The following BCL2L13 variants were observed in gnomAD, a reference collection of about 807,000 sequenced individuals.
BCL2L13 encodes the protein BCL2 like 13.
BCL2L13 carries 13 observed loss-of-function variants against 25.8 expected under a neutral mutation model. The ratio of observed to expected loss-of-function variants is 0.50; its 90% CI spans 0.33 to 0.80. BCL2L13 has a LOEUF of 0.80. Among genes scored for constraint, BCL2L13 ranks in the 30% least tolerant of loss-of-function variants. The pLI is 0.02. For synonymous variants in BCL2L13, 244 were observed against 230.3 expected (o/e 1.06, Z -0.54); for missense variants, 504 against 574.9 (o/e 0.88, Z 1.26).
intron 1 of BCL2L13, among the ~76,000 whole-genome samples, chr22:17,649,122 C>T (rs535436489): frequency 5.0e-4 from 76 of 150,860 alleles, no homozygotes; most frequent in African/African-American, 1.5e-3. Context: ...TTTTGGGAGA[C>T]GGAGTCTAGC....
chr22:17,646,932 C>CATATATATATAT (rs1170982043), intron 1 of BCL2L13, among the ~76,000 whole-genome samples: 1 of 32,460 alleles, frequency 3.1e-5, no homozygotes, highest in African/African-American at 1.2e-4. Flanking sequence ...GTATAAACTA[C>CATATATATATAT]ATATATATAT....
At chr22:17,638,034 G>C (rs573030955), upstream of BCL2L13, 1 of 152,090 alleles carries the variant, frequency 6.6e-6, no homozygotes, top group Admixed American at 6.6e-5. Context: ...TGCCCTCCTT[G>C]TTCCAATTCA....
At chr22:17,707,430 C>T (rs2060623253) in intron 6 of BCL2L13, among the ~76,000 whole-genome samples, 2 of 152,070 alleles carry the variant, frequency 1.3e-5, no homozygotes, top group Admixed American at 6.5e-5. Context: ...GCTGGTTGAT[C>T]CCGGCTAGTT....
chr22:17,677,877 AC>A (rs1052370653), intron 2 of BCL2L13, among the ~76,000 whole-genome samples: 7 of 151,580 alleles, frequency 4.6e-5, no homozygotes, highest in African/African-American at 1.7e-4. Flanking sequence ...CAAAAAAAAA[AC>A]AAAAAAACCC....
intron 5 of BCL2L13, among the ~76,000 whole-genome samples, chr22:17,697,213 C>T (rs575348250): frequency 6.3e-4 from 95 of 151,722 alleles, no homozygotes; most frequent in Admixed American, 3.2e-3. Flanking sequence ...CCGAGGTGGG[C>T]GGATCACCTG....
At chr22:17,629,765 A>C (rs1352317854) in intron 1 of BCL2L13, among the ~76,000 whole-genome samples, 1 of 152,042 alleles carries the variant, frequency 6.6e-6, no homozygotes, top group Admixed American at 6.6e-5. Context: ...CCCTTCACCT[A>C]GATTCAACAA....
chr22:17,691,474 G>A (rs372371880), intron 4 of BCL2L13, among the ~76,000 whole-genome samples: 16 of 152,152 alleles, frequency 1.1e-4, no homozygotes, highest in Middle Eastern at 3.4e-3. Flanking sequence ...GTGAAACCCC[G>A]TCTCTACTAA....
chr22:17,631,670 G>GTGTATTTATATATA lies in BCL2L13; in HGVS notation c.-650+2666_-650+2667insGTATTTATATATAT, dbSNP rs1203626385. Among the ~76,000 whole-genome samples, 7 of 26,892 alleles carry GTGTATTTATATATA rather than the reference G, an allele frequency of 2.6e-4. 1 individual carries two copies. The highest frequency in any genetic ancestry group is 1.6e-3 in the Admixed American group (3 of 1,934). The allele number at this position is 26,892 out of a possible 152,430, so 17.6% of individuals were successfully genotyped here. A position where few individuals can be genotyped will look rare whatever the true frequency, so the allele number is the denominator to read the frequency against. On this transcript the variant is annotated intron_variant, in intron 1 of 6. Coordinates refer to the BCL2L13 transcript ENST00000399782. ...CGTGTGTGTATGTATGTGTGTGTGT[G>GTGTATTTATATATA]TATATATATATATATATATATATAT...
intron 6 of BCL2L13, among the ~76,000 whole-genome samples, chr22:17,711,304 C>CTTTTTTTT (rs765639315): frequency 8.0e-6 from 1 of 125,388 alleles, no homozygotes; most frequent in Non-Finnish European, 1.7e-5. Context: ...CATGATGGGC[C>CTTTTTTTT]TTTTTTTTTT....
intron 5 of BCL2L13, among the ~76,000 whole-genome samples, chr22:17,698,290 CT>C (rs1404336743): frequency 2.6e-5 from 4 of 151,312 alleles, no homozygotes; most frequent in African/African-American, 9.7e-5. Flanking sequence ...AATTTTTGTA[CT>C]TTTAGTAGAG....
At chr22:17,659,875 G>A (rs1040527815) in intron 2 of BCL2L13, among the ~76,000 whole-genome samples, 1 of 145,272 alleles carries the variant, frequency 6.9e-6, no homozygotes, top group African/African-American at 2.4e-5. Flanking sequence ...TTATTTTTGA[G>A]ACAAGAATCT....
At chr22:17,632,842 C>T (rs2058052497) in intron 1 of BCL2L13, among the ~76,000 whole-genome samples, 1 of 151,080 alleles carries the variant, frequency 6.6e-6, no homozygotes, top group Non-Finnish European at 1.5e-5. Context: ...CAACCTCTGC[C>T]TCCCGGGTTC....
At chr22:17,715,143 TATATATATATATATATA>T (rs2060887085) in intron 6 of BCL2L13, among the ~76,000 whole-genome samples, 2 of 10,358 alleles carry the variant, frequency 1.9e-4, no homozygotes, top group South Asian at 2.3e-3. Context: ...TATATATATA[TATATATATATATATATA>T]TATATATATA....
At chr22:17,643,516 G>A (rs914668027) in intron 1 of BCL2L13, among the ~76,000 whole-genome samples, 6 of 152,138 alleles carry the variant, frequency 3.9e-5, no homozygotes, top group African/African-American at 1.4e-4. Flanking sequence ...ATGTTAACTT[G>A]TGGAACTTAA....
At position 17,681,478 on chromosome 22, in the gene BCL2L13, GAC is replaced by G. The variant is rs1491066751; in HGVS notation, c.122-1734_122-1733del. 1.0e-3 allele frequency among the ~76,000 whole-genome samples: 152 copies of G among 151,146 alleles called. 1 individual carries two copies. The highest frequency in any genetic ancestry group is 2.4e-3 in the Admixed American group (37 of 15,164). ...TGCGCCACTGTACTCCAGCCTGGGG[GAC>G]AGAGCGAGACTCCGTCTGAAAAAAA... On this transcript the variant is annotated intron_variant, in intron 2 of 6. Transcript: ENST00000317582.
At chr22:17,702,598 G>T in intron 6 of BCL2L13, 1 of 402,400 alleles carries the variant, frequency 2.5e-6, no homozygotes, top group Non-Finnish European at 4.4e-6. Context: ...GACTATAGGT[G>T]CCCACCACTG....
At chr22:17,643,497 T>C (rs992358782) in intron 1 of BCL2L13, among the ~76,000 whole-genome samples, 1 of 152,188 alleles carries the variant, frequency 6.6e-6, no homozygotes, top group Non-Finnish European at 1.5e-5. Flanking sequence ...GAAAATAGCT[T>C]TGGACTCCAT....
rs1555882585 is a variant in BCL2L13, at chr22:17,669,033, T to TTC, written c.121+13202_121+13203insCT. Among the ~76,000 whole-genome samples, 16 of 139,358 alleles carry TTC rather than the reference T, an allele frequency of 1.1e-4. 1 individual carries two copies. The highest frequency in any genetic ancestry group is 7.8e-4 in the Admixed American group (11 of 14,052). The allele number at this position is 139,358 out of a possible 152,430, so 91.4% of individuals were successfully genotyped here. ...TTTATTTGGCTCCTGTTTCTTTCTT[T>TTC]TTTTTTTTTTTTTTTTTGAGACGGA... On this transcript the variant is annotated intron_variant, in intron 2 of 6. Transcript: ENST00000317582.
intron 2 of BCL2L13, among the ~76,000 whole-genome samples, chr22:17,667,809 G>T (rs548882433): frequency 6.6e-6 from 1 of 151,530 alleles, no homozygotes; most frequent in African/African-American, 2.4e-5. Context: ...GCGGGCAGTT[G>T]TAAGAATTCT....
Sources: gnomAD v4.1 joint callset for allele counts (sites outside exome capture counted in the v4.1 genomes callset) on GRCh38, gnomAD v4.1.1 for gene constraint, MANE v1.5 for transcripts, NCBI Gene and HGNC (gene_info 2026-07-23, HGNC 2026-07-21) for gene names.